The following ZNF277 variants were observed in gnomAD, a reference collection of about 807,000 sequenced individuals.
ZNF277 encodes zinc finger protein 277, also known as nuclear receptor-interacting factor 4.
Under a neutral mutation model 60.7 loss-of-function variants are expected in ZNF277, and 55 were observed. That is an observed-to-expected ratio of 0.91 (90% CI 0.73 to 1.13). The LOEUF (loss-of-function observed/expected upper bound fraction) is 1.13, where lower values mean the gene tolerates loss of function less well. Among genes scored for constraint, ZNF277 ranks in the 50% most tolerant of loss-of-function variants. ZNF277 has a pLI of 0.00. For synonymous variants in ZNF277, 178 were observed against 179.3 expected, an observed-to-expected ratio of 0.99 and a Z score of 0.06; for missense variants, 510 against 523.0, an observed-to-expected ratio of 0.98 and a Z score of 0.24.
intron 1 of ZNF277, among the ~76,000 whole-genome samples, chr7:112,241,421 G>A (rs73195218): frequency 0.055 from 8,410 of 152,186 alleles, 327 homozygotes; most frequent in South Asian, 0.13. Flanking sequence ...ACATAAATTA[G>A]TGCAACCACT....
chr7:112,206,736 A>T lies in ZNF277; in HGVS notation c.20A>T (p.Gln7Leu), dbSNP rs1360089179. The change falls in exon 1 of 12, where the codon CAG becomes CTG. Residue 7 changes from glutamine to leucine, a missense_variant. Gln to Leu is a moderately radical substitution (Grantham distance 113). Coordinates refer to ENST00000361822, the MANE Select transcript of ZNF277 (RefSeq NM_021994.3). The stretch of plus-strand genomic sequence containing the variant: ...CGGGTAATGGCTGCTTCCAAGACCC[A>T]GGGGGCTGTCGCCCGAATGCAGGAA... MAASKTQGAVARMQEDR... is the reference protein window; with the variant it reads MAASKTLGAVARMQEDR... 19 of 1,613,272 alleles carry T rather than the reference A, an allele frequency of 1.2e-5. No individual in the cohort carries two copies. Among genetic ancestry groups the T allele is most frequent in the Non-Finnish European group, 1.5e-5 (18 of 1,179,670 alleles).
chr7:112,270,083 C>T (rs1791635137), intron 1 of ZNF277, among the ~76,000 whole-genome samples: 2 of 152,010 alleles, frequency 1.3e-5, no homozygotes, highest in South Asian at 4.1e-4. Context: ...ACTGGATTCG[C>T]ATCCAGAATC....
intron 1 of ZNF277, among the ~76,000 whole-genome samples, chr7:112,266,556 T>G (rs993904764): frequency 4.3e-5 from 6 of 139,658 alleles, no homozygotes; most frequent in African/African-American, 1.6e-4. Flanking sequence ...AAATGAAGAC[T>G]TTTTTTTTTG....
At chr7:112,272,488 G>T (rs1406854225) in intron 1 of ZNF277, among the ~76,000 whole-genome samples, 1 of 152,012 alleles carries the variant, frequency 6.6e-6, no homozygotes, top group Non-Finnish European at 1.5e-5. Flanking sequence ...GTTTTTGTTT[G>T]TTTGTTTCTT....
intron 1 of ZNF277, among the ~76,000 whole-genome samples, chr7:112,275,408 G>C (rs1355386181): frequency 2.6e-5 from 4 of 152,160 alleles, no homozygotes; most frequent in African/African-American, 9.7e-5. Context: ...GAAAGAGTAT[G>C]TAAAGTAAGC....
intron 4 of ZNF277, among the ~76,000 whole-genome samples, chr7:112,304,688 G>C (rs1265890038): frequency 1.3e-5 from 2 of 152,038 alleles, no homozygotes; most frequent in East Asian, 1.9e-4. Context: ...CCATAATACT[G>C]AATGGGATTA....
Position 112,252,384 on chromosome 7 carries a change from T to A in ZNF277, c.92-34489T>A, listed in dbSNP as rs2117011274. On this transcript the variant is annotated intron_variant, in intron 1 of 11. Coordinates refer to ENST00000361822, the MANE Select transcript of ZNF277 (RefSeq NM_021994.3). ...TTAAGCATTTTGTTAAAAGAGTGAA[T>A]GAATGGAGCAGGATAGCACAATATT... 1.3e-5 allele frequency among the ~76,000 whole-genome samples: 2 copies of A among 152,260 alleles called. 1 individual carries two copies. The highest frequency in any genetic ancestry group is 4.2e-4 in the South Asian group (2 of 4,818).
intron 1 of ZNF277, among the ~76,000 whole-genome samples, chr7:112,213,887 A>G (rs1821816167): frequency 6.6e-6 from 1 of 152,238 alleles, no homozygotes; most frequent in African/African-American, 2.4e-5. Flanking sequence ...TCTTCTGTAA[A>G]ATGAGTAATA....
chr7:112,330,548 C>CTTCTT (rs1793204568), intron 7 of ZNF277: 2 of 108,052 alleles, frequency 1.9e-5, no homozygotes, highest in Admixed American at 1.2e-4. Context: ...AGACTCCTTT[C>CTTCTT]TTTTTTTTTT....
chr7:112,251,208 A>G (rs1791193825), intron 1 of ZNF277, among the ~76,000 whole-genome samples: 1 of 152,100 alleles, frequency 6.6e-6, no homozygotes, highest in South Asian at 2.1e-4. Context: ...AGTTTGCTGC[A>G]TGTTTATGTG....
intron 1 of ZNF277, among the ~76,000 whole-genome samples, chr7:112,246,327 G>A (rs890163816): frequency 2.6e-5 from 4 of 152,096 alleles, no homozygotes; most frequent in South Asian, 2.1e-4. Flanking sequence ...CTAGGAGGTC[G>A]AGGCTGCAGT....
intron 7 of ZNF277, among the ~76,000 whole-genome samples, chr7:112,333,510 A>G (rs115770818): frequency 4.0e-4 from 61 of 152,294 alleles, no homozygotes; most frequent in African/African-American, 1.5e-3. Flanking sequence ...AGTCATTCAC[A>G]CACAGAGCTC....
chr7:112,281,047 G>T (rs532178966), intron 1 of ZNF277, among the ~76,000 whole-genome samples: 2 of 152,310 alleles, frequency 1.3e-5, no homozygotes. Context: ...GTAATTTAGA[G>T]ACTCTCTGTT....
At chr7:112,335,075 C>A (rs1335888472) in intron 7 of ZNF277, among the ~76,000 whole-genome samples, 1 of 152,062 alleles carries the variant, frequency 6.6e-6, no homozygotes, top group African/African-American at 2.4e-5. Flanking sequence ...TTTCTTTCTC[C>A]CTCTAAATCA....
At chr7:112,320,493 G>T (rs746626655) in intron 5 of ZNF277, among the ~76,000 whole-genome samples, 2 of 152,002 alleles carry the variant, frequency 1.3e-5, no homozygotes, top group African/African-American at 4.8e-5. Context: ...ATTTGTGTAC[G>T]CCTTGGGACA....
chr7:112,341,989 CGTAA>C (rs71792244), intron 11 of ZNF277, among the ~76,000 whole-genome samples: 7,513 of 152,056 alleles, frequency 0.049, 312 homozygotes, highest in African/African-American at 0.11. Flanking sequence ...CTTTATATTC[CGTAA>C]GTGTTTCCTT....
At position 112,206,807 on chromosome 7, in the gene ZNF277, G is replaced by A. The variant is rs761524089; in HGVS notation, c.91G>A (p.Asp31Asn). The part of the protein sequence containing the change: ...CSTVGGVGYG[D>N]SKDCILEPLS... Reference sequence around the variant, plus strand: ...CACAGTCGGGGGTGTAGGTTATGGGGGTGAGTACGGTGCCCCGGAGGCGCG... The same window carrying A: ...CACAGTCGGGGGTGTAGGTTATGGGAGTGAGTACGGTGCCCCGGAGGCGCG... The change falls in exon 1 of 12, where the codon GAC (aspartate) becomes AAC (asparagine). Residue 31 changes from aspartate (D) to asparagine (N), a missense_variant and splice_region_variant. Transcript: ENST00000361822. 1 of 1,612,636 alleles carries A rather than the reference G, an allele frequency of 6.2e-7. No individual in the cohort carries two copies. Among genetic ancestry groups the A allele is most frequent in the Non-Finnish European group, 8.5e-7 (1 of 1,179,448 alleles).
intron 2 of ZNF277, 56 bp downstream of exon 2, chr7:112,287,130 T>C: frequency 6.3e-7 from 1 of 1,582,214 alleles, no homozygotes; most frequent in South Asian, 1.1e-5. Flanking sequence ...TGGTGGCTCA[T>C]GTCTGTAATC....
intron 1 of ZNF277, among the ~76,000 whole-genome samples, chr7:112,219,518 T>C (rs1347203072): frequency 6.6e-6 from 1 of 152,178 alleles, no homozygotes; most frequent in Non-Finnish European, 1.5e-5. Context: ...TTATCAAAGA[T>C]AAGTTGACCA....
Sources: allele counts gnomAD v4.1 joint callset (sites outside exome capture counted in the v4.1 genomes callset), GRCh38; gene constraint gnomAD v4.1.1; transcripts MANE v1.5; gene names NCBI Gene and HGNC (gene_info 2026-07-23, HGNC 2026-07-21).